Variants in DLG2 observed in about 807,000 individuals in gnomAD.
The protein encoded by DLG2 is disks large homolog 2.
DLG2 carries 45 observed loss-of-function variants against 132.5 expected under a neutral mutation model. The ratio of observed to expected loss-of-function variants is 0.34; its 90% confidence interval spans 0.27 to 0.44. The LOEUF is 0.44. DLG2 is among the 20% of genes least tolerant of loss of function. The pLI, the probability that DLG2 is intolerant of heterozygous loss-of-function variation, is 1.00. For synonymous variants in DLG2, 424 were observed against 419.6 expected (o/e 1.01, Z -0.13); for missense variants, 1,045 against 1,196.9 (o/e 0.87, Z 1.87).
intron 4 of DLG2, among the ~76,000 whole-genome samples, chr11:85,255,875 T>G (rs2076640663): frequency 6.6e-6 from 1 of 152,078 alleles, no homozygotes; most frequent in South Asian, 2.1e-4. Flanking sequence ...ATATTGCAAA[T>G]AACCATGTAA....
At chr11:83,767,027 T>C (rs1237219640) in intron 18 of DLG2, among the ~76,000 whole-genome samples, 1 of 152,142 alleles carries the variant, frequency 6.6e-6, no homozygotes, top group Non-Finnish European at 1.5e-5. Flanking sequence ...CTGCCTCTCT[T>C]TTTCTATCAA....
chr11:84,722,913 T>C (rs190486464), intron 6 of DLG2, among the ~76,000 whole-genome samples: 202 of 152,296 alleles, frequency 1.3e-3, no homozygotes, highest in Admixed American at 2.9e-3. Flanking sequence ...GTCTAATCTA[T>C]ACGTTCTTAA....
At chr11:83,724,108 G>A (rs1217720912) in intron 18 of DLG2, among the ~76,000 whole-genome samples, 2 of 152,136 alleles carry the variant, frequency 1.3e-5, no homozygotes, top group Non-Finnish European at 2.9e-5. Flanking sequence ...GGATGTTAGA[G>A]TCTAGCTTTC....
intron 5 of DLG2, among the ~76,000 whole-genome samples, chr11:85,115,475 G>A (rs903315806): frequency 6.6e-6 from 1 of 151,956 alleles, no homozygotes; most frequent in Non-Finnish European, 1.5e-5. Flanking sequence ...TAATAAAGCT[G>A]CAGTTATAAA....
intron 6 of DLG2, among the ~76,000 whole-genome samples, chr11:84,833,425 C>T (rs765348026): frequency 4.0e-5 from 6 of 151,492 alleles, no homozygotes; most frequent in Non-Finnish European, 7.4e-5. Context: ...TGTCTCACCC[C>T]TACAATACAT....
At chr11:83,973,925 T>G (rs1237406303) in intron 12 of DLG2, among the ~76,000 whole-genome samples, 1 of 152,006 alleles carries the variant, frequency 6.6e-6, no homozygotes, top group East Asian at 1.9e-4. Flanking sequence ...AATTTACTAG[T>G]TATGTAATAT....
chr11:85,187,777 C>A (rs1035211039), intron 4 of DLG2, among the ~76,000 whole-genome samples: 2 of 151,880 alleles, frequency 1.3e-5, no homozygotes, highest in Non-Finnish European at 2.9e-5. Flanking sequence ...TGGAGTGGAA[C>A]ATGAGAAAAA....
intron 6 of DLG2, among the ~76,000 whole-genome samples, chr11:84,695,056 A>G (rs1027671414): frequency 2.0e-5 from 3 of 151,518 alleles, no homozygotes; most frequent in African/African-American, 7.3e-5. Flanking sequence ...CAAAGCTTCT[A>G]TAAGATTAAA....
chr11:85,271,618 C>T (rs1362844457), intron 4 of DLG2, among the ~76,000 whole-genome samples: 1 of 152,226 alleles, frequency 6.6e-6, no homozygotes, highest in East Asian at 1.9e-4. Flanking sequence ...GCTGAGCTGC[C>T]CAAAACCATG....
chr11:84,836,897 A>C (rs1183702546), intron 6 of DLG2, among the ~76,000 whole-genome samples: 1 of 151,916 alleles, frequency 6.6e-6, no homozygotes, highest in South Asian at 2.1e-4. Flanking sequence ...TTTAGGGTAC[A>C]TGTGCACAAC....
chr11:85,213,213 T>G (rs2082361054), intron 4 of DLG2, among the ~76,000 whole-genome samples: 1 of 152,106 alleles, frequency 6.6e-6, no homozygotes, highest in Admixed American at 6.6e-5. Flanking sequence ...TTGAAGAGAT[T>G]TATTCTGAGC....
At chr11:83,552,679 C>T (rs1014915349) in intron 19 of DLG2, among the ~76,000 whole-genome samples, 7 of 152,104 alleles carry the variant, frequency 4.6e-5, no homozygotes, top group Non-Finnish European at 8.8e-5. Flanking sequence ...TTCCTTCAGC[C>T]TCTCCCCCTT....
Position 84,573,679 on chromosome 11 carries a change from A to G in DLG2, c.358-38948T>C, listed in dbSNP as rs561985999. 6.6e-5 allele frequency among the ~76,000 whole-genome samples: 10 copies of G among 152,314 alleles called. No homozygotes were observed. The South Asian group carries it at 2.1e-3, about 32-fold the overall frequency. ...AGCATTCTCTTGGAATAGGAAAAAT[A>G]TGTTTAAAATAGAAGCAAATATTCA... On this transcript the variant is annotated intron_variant, in intron 6 of 27. Coordinates refer to ENST00000376104, the MANE Select transcript of DLG2 (RefSeq NM_001142699.3).
chr11:83,490,883 A>G (rs2093802704), intron 21 of DLG2, among the ~76,000 whole-genome samples: 1 of 151,992 alleles, frequency 6.6e-6, no homozygotes, highest in Admixed American at 6.6e-5. Context: ...CCTGAGTCAG[A>G]AAAATAAAAA....
At chr11:85,533,745 T>C (rs2075378065) in intron 3 of DLG2, among the ~76,000 whole-genome samples, 1 of 152,186 alleles carries the variant, frequency 6.6e-6, no homozygotes, top group Non-Finnish European at 1.5e-5. Context: ...TAAGAATCTA[T>C]CTGGATTGTG....
chr11:83,612,899 T>G (rs553727691), intron 19 of DLG2, among the ~76,000 whole-genome samples: 12 of 152,100 alleles, frequency 7.9e-5, no homozygotes, highest in Non-Finnish European at 1.8e-4. Flanking sequence ...CAAGTTAAAA[T>G]AGTCTTCTTT....
At chr11:85,322,336 C>CA (rs1222182183) in intron 3 of DLG2, among the ~76,000 whole-genome samples, 2 of 152,124 alleles carry the variant, frequency 1.3e-5, no homozygotes, top group African/African-American at 4.8e-5. Context: ...CCTCTATGGT[C>CA]ATTCCACTGA....
chr11:85,593,180 G>A (rs186520466), intron 3 of DLG2, among the ~76,000 whole-genome samples: 15 of 152,062 alleles, frequency 9.9e-5, no homozygotes, highest in African/African-American at 2.2e-4. Context: ...CATTATAGTC[G>A]TTACAGATTA....
At chr11:83,976,034 C>T (rs541317673) in intron 12 of DLG2, among the ~76,000 whole-genome samples, 18 of 151,834 alleles carry the variant, frequency 1.2e-4, no homozygotes, top group African/African-American at 3.9e-4. Context: ...AAGATACATA[C>T]GTTAAATTCT....
Sources: allele counts gnomAD v4.1 joint callset (sites outside exome capture counted in the v4.1 genomes callset), GRCh38; gene constraint gnomAD v4.1.1; transcripts MANE v1.5; gene names NCBI Gene and HGNC (gene_info 2026-07-23, HGNC 2026-07-21).